The following FGD6 variants were observed in gnomAD, a reference collection of about 807,000 sequenced individuals.
The protein encoded by FGD6 is FYVE, RhoGEF and PH domain-containing protein 6.
FGD6 carries 90 observed loss-of-function variants against 149.4 expected under a neutral mutation model. The observed-to-expected ratio is 0.60, with a 90% CI of 0.51 to 0.72. FGD6 has a LOEUF of 0.72. Ranked by LOEUF, FGD6 falls within the 30% of genes least tolerant of loss-of-function variation. FGD6 has a pLI of 0.00. For missense variants in FGD6, 1,437 were observed against 1,684.8 expected (o/e 0.85, Z 2.57); for synonymous variants, 527 against 584.0 (o/e 0.90, Z 1.41).
chr12:95,083,030 T>TACAC (rs1555215606), intron 20 of FGD6, among the ~76,000 whole-genome samples: 951 of 54,264 alleles, frequency 0.018, 11 homozygotes, highest in Non-Finnish European at 0.027. Context: ...TATATATATA[T>TACAC]ACACACACAT....
intron 8 of FGD6, among the ~76,000 whole-genome samples, chr12:95,133,505 T>G (rs1879582920): frequency 6.6e-6 from 1 of 152,170 alleles, no homozygotes; most frequent in African/African-American, 2.4e-5. Context: ...TTTTTCAGGA[T>G]TCACCTATTA....
chr12:95,157,791 T>C (rs1317753043), intron 3 of FGD6, among the ~76,000 whole-genome samples: 1 of 152,134 alleles, frequency 6.6e-6, no homozygotes, highest in African/African-American at 2.4e-5. Flanking sequence ...TTCCTGTTAT[T>C]ATTCCTCTTT....
At chr12:95,140,460 T>C (rs1280520986) in intron 6 of FGD6, among the ~76,000 whole-genome samples, 1 of 152,034 alleles carries the variant, frequency 6.6e-6, no homozygotes, top group Admixed American at 6.6e-5. Flanking sequence ...CTACTAAAAA[T>C]ACAAAAATTA....
intron 9 of FGD6, among the ~76,000 whole-genome samples, chr12:95,108,766 C>T (rs1878717092): frequency 6.6e-6 from 1 of 152,082 alleles, no homozygotes; most frequent in African/African-American, 2.4e-5. Context: ...CACCAAAAAC[C>T]TGGCCAAAAC....
intron 2 of FGD6, among the ~76,000 whole-genome samples, chr12:95,208,214 T>G (rs1441137856): frequency 6.6e-6 from 1 of 151,984 alleles, no homozygotes. Flanking sequence ...ATCATACCAC[T>G]GCACTCCAGC....
At position 95,099,209 on chromosome 12, in the gene FGD6, G is replaced by A. The variant is rs756527191; in HGVS notation, c.3498-4515C>T. Among the ~76,000 whole-genome samples the A allele has an allele frequency of 5.3e-5, 8 of 152,226 alleles. 1 individual carries two copies. Among genetic ancestry groups the A allele is most frequent in the Middle Eastern group, 3.4e-3 (1 of 294 alleles). On this transcript the variant is annotated intron_variant, in intron 14 of 20. Coordinates refer to ENST00000343958, the MANE Select transcript of FGD6 (RefSeq NM_018351.4). ...TTTAATTTTTAATCCACTGTGTCCC[G>A]ATGCGCAGCACAATGCCTGGCCCAA...
At chr12:95,097,116 C>A (rs1369720169) in intron 14 of FGD6, among the ~76,000 whole-genome samples, 1 of 152,212 alleles carries the variant, frequency 6.6e-6, no homozygotes, top group African/African-American at 2.4e-5. Flanking sequence ...TGTTTACCAG[C>A]TCTTGATAAC....
chr12:95,106,879 ATG>A, intron 13 of FGD6, 73 bp downstream of exon 13: 1 of 1,190,950 alleles, frequency 8.4e-7, no homozygotes, highest in South Asian at 1.3e-5. Flanking sequence ...GGGTGACAGA[ATG>A]AGACCCCGTC....
intron 3 of FGD6, among the ~76,000 whole-genome samples, chr12:95,165,333 T>C (rs6538610): frequency 0.62 from 93,828 of 150,648 alleles, 29,398 homozygotes; most frequent in Admixed American, 0.66. Context: ...ATTTTCTTTT[T>C]TTCTTTTTTT....
chr12:95,136,354 T>C (rs1225250353), intron 7 of FGD6, among the ~76,000 whole-genome samples: 1 of 152,046 alleles, frequency 6.6e-6, no homozygotes, highest in Non-Finnish European at 1.5e-5. Flanking sequence ...CTAGACTCCA[T>C]CTCAAAAAAC....
At chr12:95,214,417 C>CA (rs1180759030) in intron 1 of FGD6, among the ~76,000 whole-genome samples, 5 of 151,942 alleles carry the variant, frequency 3.3e-5, no homozygotes, top group African/African-American at 1.2e-4. Context: ...GAGCAATATC[C>CA]AAAATCCTTC....
rs149068573 is a variant in FGD6, at chr12:95,162,380, G to A, written c.2587-9387C>T. Among the ~76,000 whole-genome samples, 601 of 152,192 alleles carry A rather than the reference G, an allele frequency of 3.9e-3. 3 individuals carry two copies. Among genetic ancestry groups the A allele is most frequent in the African/African-American group, 0.012 (511 of 41,540 alleles). ...TCTACTGAAAATACAAAAACTAGCTGGGCGCCGACAGTGGTGCATACCTGT... is the reference window on the plus strand; with the variant it reads ...TCTACTGAAAATACAAAAACTAGCTAGGCGCCGACAGTGGTGCATACCTGT... On this transcript the variant is annotated intron_variant, in intron 3 of 20. Transcript: ENST00000343958.
At position 95,211,077 on chromosome 12, in the gene FGD6, C is replaced by A. The variant is rs752642397; in HGVS notation, c.207G>T (p.Gln69His). Reference protein sequence around the residue: ...LKTSPVREIGQSPSRKIMLNL... With the variant: ...LKTSPVREIGHSPSRKIMLNL... Reference sequence around the variant, plus strand: ...TCAACATGATTTTCCTTGATGGCGACTGCCCAATCTCTCGAACAGGTGAGG... The same window carrying A: ...TCAACATGATTTTCCTTGATGGCGAATGCCCAATCTCTCGAACAGGTGAGG... The change falls in exon 2 of 21, where the codon CAG (glutamine) becomes CAT (histidine). Residue 69 changes from glutamine (Q) to histidine (H), a missense_variant. Coordinates refer to ENST00000343958, the MANE Select transcript of FGD6 (RefSeq NM_018351.4). 6.2e-7 allele frequency: 1 copy of A among 1,614,128 alleles called. No individual in the cohort carries two copies. Among genetic ancestry groups the A allele is most frequent in the Non-Finnish European group, 8.5e-7 (1 of 1,180,034 alleles).
chr12:95,109,059 C>T (rs1476869780), intron 9 of FGD6, among the ~76,000 whole-genome samples: 1 of 152,112 alleles, frequency 6.6e-6, no homozygotes, highest in Non-Finnish European at 1.5e-5. Context: ...TTCCAAGAGG[C>T]ATGAATTAGA....
intron 13 of FGD6, among the ~76,000 whole-genome samples, chr12:95,106,613 G>GGT (rs1355488435): frequency 6.6e-6 from 1 of 152,024 alleles, no homozygotes; most frequent in African/African-American, 2.4e-5. Flanking sequence ...AAATCACCTG[G>GGT]GTGGGCATCA....
At chr12:95,165,411 G>A (rs1363132687) in intron 3 of FGD6, among the ~76,000 whole-genome samples, 2 of 150,950 alleles carry the variant, frequency 1.3e-5, no homozygotes, top group Non-Finnish European at 2.9e-5. Flanking sequence ...TCGGCTCACT[G>A]CAACCTCCGC....
chr12:95,183,534 C>T (rs896021384), intron 2 of FGD6, among the ~76,000 whole-genome samples: 1 of 152,150 alleles, frequency 6.6e-6, no homozygotes, highest in Admixed American at 6.6e-5. Context: ...CCCTCACTAA[C>T]GGGGTGAAGA....
chr12:95,093,463 T>C (rs1368152970), intron 15 of FGD6, among the ~76,000 whole-genome samples: 1 of 150,898 alleles, frequency 6.6e-6, no homozygotes, highest in Non-Finnish European at 1.5e-5. Flanking sequence ...GTGGATCACC[T>C]AAGATTGGGA....
At chr12:95,117,530 C>T (rs532652715) in intron 8 of FGD6, among the ~76,000 whole-genome samples, 4 of 152,094 alleles carry the variant, frequency 2.6e-5, no homozygotes, top group African/African-American at 9.6e-5. Flanking sequence ...GCTCAAGTGG[C>T]TGTCCCACAC....
Sources: gnomAD v4.1 joint callset for allele counts (sites outside exome capture counted in the v4.1 genomes callset) on GRCh38, gnomAD v4.1.1 for gene constraint, MANE v1.5 for transcripts, NCBI Gene and HGNC (gene_info 2026-07-23, HGNC 2026-07-21) for gene names.